The following KCNH1 variants were observed in gnomAD, a reference collection of about 807,000 sequenced individuals.
KCNH1 encodes the protein potassium voltage-gated channel subfamily H member 1, also known as voltage-gated delayed rectifier potassium channel KCNH1.
A neutral mutation model predicts 69.2 loss-of-function variants in KCNH1; 27 were observed. The ratio of observed to expected loss-of-function variants is 0.39; its 90% CI spans 0.29 to 0.54. The LOEUF (loss-of-function observed/expected upper bound fraction) is 0.54, where lower values mean the gene tolerates loss of function less well. Among genes scored for constraint, KCNH1 ranks in the 20% least tolerant of loss-of-function variants. The pLI is 0.68. For missense variants in KCNH1, 798 were observed against 1,261.6 expected (o/e 0.63, Z 5.57); for synonymous variants, 456 against 487.7 (o/e 0.93, Z 0.86).
At chr1:210,969,789 T>C (rs942681360) in intron 6 of KCNH1, among the ~76,000 whole-genome samples, 3 of 152,208 alleles carry the variant, frequency 2.0e-5, no homozygotes, top group Admixed American at 2.0e-4. Flanking sequence ...TTTAAATAAT[T>C]TGTTTTTTTA....
intron 5 of KCNH1, among the ~76,000 whole-genome samples, chr1:211,027,152 G>C (rs1689698818): frequency 6.6e-6 from 1 of 152,032 alleles, no homozygotes; most frequent in Non-Finnish European, 1.5e-5. Flanking sequence ...ATCAGACAAA[G>C]ATTTTTGAAC....
chr1:210,969,300 CTTCT>C (rs1174095751), intron 6 of KCNH1, among the ~76,000 whole-genome samples: 2 of 151,732 alleles, frequency 1.3e-5, no homozygotes, highest in Non-Finnish European at 2.9e-5. Flanking sequence ...GAGAATATTC[CTTCT>C]TTCTCTATTA....
chr1:210,943,049 G>A (rs1326230912), intron 6 of KCNH1, among the ~76,000 whole-genome samples: 1 of 152,152 alleles, frequency 6.6e-6, no homozygotes, highest in African/African-American at 2.4e-5. Context: ...TAGTCTTACA[G>A]TCATTCATTC....
At chr1:210,797,040 A>G (rs1448736403) in intron 9 of KCNH1, among the ~76,000 whole-genome samples, 2 of 152,190 alleles carry the variant, frequency 1.3e-5, no homozygotes, top group Non-Finnish European at 2.9e-5. Flanking sequence ...GCCACACTAA[A>G]TAATTTGTAG....
chr1:211,086,814 T>C (rs1323868860), intron 4 of KCNH1, among the ~76,000 whole-genome samples: 2 of 152,146 alleles, frequency 1.3e-5, no homozygotes, highest in African/African-American at 2.4e-5. Context: ...AGGCCAGCCT[T>C]GTCCTGAGAT....
At chr1:210,873,438 C>T (rs1686294059) in intron 7 of KCNH1, among the ~76,000 whole-genome samples, 1 of 152,172 alleles carries the variant, frequency 6.6e-6, no homozygotes, top group South Asian at 2.1e-4. Context: ...GCATTCAACT[C>T]CTGGGCTCAA....
chr1:210,703,259 A>G (rs1324445006), intron 10 of KCNH1, among the ~76,000 whole-genome samples: 1 of 152,224 alleles, frequency 6.6e-6, no homozygotes, highest in Non-Finnish European at 1.5e-5. Flanking sequence ...AGACACCAAT[A>G]TTCCTATTTT....
intron 5 of KCNH1, among the ~76,000 whole-genome samples, chr1:211,035,752 A>G (rs1689885770): frequency 6.6e-6 from 1 of 152,202 alleles, no homozygotes; most frequent in African/African-American, 2.4e-5. Flanking sequence ...TGAGTTCTTT[A>G]TTACAGAAAA....
rs151096598 is a variant in KCNH1 at position 211,047,387 on chromosome 1, G to A, written c.559-28131C>T. On this transcript the variant is annotated intron_variant, in intron 5 of 10. Transcript: ENST00000271751. ...CAGGCATGTGTGTACATGCAAAACC[G>A]TGAGACAGGGAGGTGGGGAATGGGC... Among the ~76,000 whole-genome samples the A allele has an allele frequency of 2.1e-3, 317 of 152,266 alleles. 2 individuals are homozygous for A. Among genetic ancestry groups the A allele is most frequent in the Non-Finnish European group, 3.5e-3 (239 of 68,024 alleles).
chr1:211,074,164 T>C (rs1471917236), intron 5 of KCNH1, among the ~76,000 whole-genome samples: 1 of 150,396 alleles, frequency 6.6e-6, no homozygotes, highest in Non-Finnish European at 1.5e-5. Flanking sequence ...TTCTAAGTGC[T>C]TGAGATTTAT....
chr1:210,826,019 A>G (rs1036035340), intron 7 of KCNH1, among the ~76,000 whole-genome samples: 1 of 152,212 alleles, frequency 6.6e-6, no homozygotes, highest in Admixed American at 6.5e-5. Flanking sequence ...GTTTACTGAA[A>G]TATAAATTTA....
chr1:211,098,422 C>T (rs1041892173), intron 3 of KCNH1, among the ~76,000 whole-genome samples: 1 of 151,960 alleles, frequency 6.6e-6, no homozygotes, highest in Non-Finnish European at 1.5e-5. Context: ...TCAGGTTTTC[C>T]GAATGGCCAA....
chr1:210,990,804 ATT>A (rs1243298536), intron 6 of KCNH1, among the ~76,000 whole-genome samples: 1 of 152,226 alleles, frequency 6.6e-6, no homozygotes, highest in Non-Finnish European at 1.5e-5. Context: ...CAAGATTAGT[ATT>A]TCATCCATTT....
intron 6 of KCNH1, among the ~76,000 whole-genome samples, chr1:210,951,597 C>G (rs114773420): frequency 0.012 from 1,876 of 152,208 alleles, 43 homozygotes; most frequent in African/African-American, 0.043. Flanking sequence ...CAGGGGTTAA[C>G]GGGATCAGCT....
At chr1:210,957,290 G>C (rs1230499347) in intron 6 of KCNH1, among the ~76,000 whole-genome samples, 1 of 152,052 alleles carries the variant, frequency 6.6e-6, no homozygotes, top group African/African-American at 2.4e-5. Context: ...AGTTTGTTGT[G>C]ATTTCTGTTC....
At chr1:210,728,629 C>T (rs187243980) in intron 10 of KCNH1, among the ~76,000 whole-genome samples, 2 of 152,290 alleles carry the variant, frequency 1.3e-5, no homozygotes, top group East Asian at 3.9e-4. Flanking sequence ...CATGTGCACC[C>T]AGCACACACA....
intron 7 of KCNH1, among the ~76,000 whole-genome samples, chr1:210,903,280 C>T (rs916958323): frequency 6.6e-6 from 1 of 152,132 alleles, no homozygotes; most frequent in Admixed American, 6.5e-5. Flanking sequence ...CTTGTCTGTC[C>T]CCTCTTAGAC....
At position 211,089,745 on chromosome 1, in the gene KCNH1, A is replaced by C. The variant is rs531447123; in HGVS notation, c.439+817T>G. ...GAGCTGAAAAATCAACCACAGAGCC[A>C]GGTAGCACTGCATCATGAAAAAGCT... is the stretch of plus-strand genomic sequence containing the variant. On this transcript the variant is annotated intron_variant, in intron 4 of 10. Transcript: ENST00000271751. Among the ~76,000 whole-genome samples, 10 of 152,344 alleles carry C rather than the reference A, an allele frequency of 6.6e-5. No individual in the cohort carries two copies. In the South Asian group the frequency reaches 1.9e-3, roughly 28 times the overall value.
chr1:210,908,659 A>G (rs766294702), intron 7 of KCNH1, among the ~76,000 whole-genome samples: 8 of 152,104 alleles, frequency 5.3e-5, no homozygotes, highest in South Asian at 2.1e-4. Context: ...CGTTTCCCCA[A>G]TGGGTGCATT....
Sources: gnomAD v4.1 joint callset for allele counts (sites outside exome capture counted in the v4.1 genomes callset) on GRCh38, gnomAD v4.1.1 for gene constraint, MANE v1.5 for transcripts, NCBI Gene and HGNC (gene_info 2026-07-23, HGNC 2026-07-21) for gene names.